OBSL1: variants seen among roughly 807,000 people sequenced by gnomAD.
OBSL1 encodes the protein obscurin like cytoskeletal adaptor 1.
OBSL1 carries 160 observed loss-of-function variants against 172.0 expected under a neutral mutation model. That is an observed-to-expected ratio of 0.93 (90% CI 0.82 to 1.06). The LOEUF is 1.06. Ranked by LOEUF, OBSL1 falls within the 50% of genes least tolerant of loss-of-function variation. The pLI is 0.00. For missense variants in OBSL1, 2,681 were observed against 2,715.4 expected, an observed-to-expected ratio of 0.99 and a Z score of 0.28; for synonymous variants, 1,200 against 1,196.3, an observed-to-expected ratio of 1.00 and a Z score of -0.06.
downstream of OBSL1, chr2:219,549,776 C>T (rs1472143961): frequency 1.9e-6 from 3 of 1,614,020 alleles, no homozygotes; most frequent in African/African-American, 1.3e-5. Flanking sequence ...CCTTCATGGC[C>T]TCACCCACAG....
rs752641180 is a variant in OBSL1, at chr2:219,568,374, A to T, written c.1013-50T>A. 21 of 1,531,020 alleles carry T rather than the reference A, an allele frequency of 1.4e-5. No individual in the cohort carries two copies. In the South Asian group the frequency reaches 2.2e-4, roughly 16 times the overall value. The allele number at this position is 1,531,020 out of a possible 1,614,324, so 94.8% of individuals were successfully genotyped here. Reference sequence around the variant, plus strand: ...AGAGAGGGCTCTGGAGAAGGCCCAGACTAGGAGTAGGATACCTAGAAGCGC... The same window carrying T: ...AGAGAGGGCTCTGGAGAAGGCCCAGTCTAGGAGTAGGATACCTAGAAGCGC... On this transcript the variant is annotated intron_variant, in intron 1 of 20. Transcript: ENST00000404537. This position sits in a 1 kb window ranked among gnomAD's most constrained non-coding sequence, Gnocchi z 4.1.
At chr2:219,549,294 C>T (rs6436156), downstream of OBSL1, 1,587,914 of 1,613,818 alleles carry the variant, frequency 0.98, 782,618 homozygotes, top group East Asian at 1. Flanking sequence ...GGCCACCAGA[C>T]CCTGCTTATC....
chr2:219,553,426 GTTGTCC>G (rs903317350), intron 16 of OBSL1, 142 bp downstream of exon 16: 1 of 695,582 alleles, frequency 1.4e-6, no homozygotes, highest in Non-Finnish European at 2.6e-6. Flanking sequence ...ACCTCCTAGA[GTTGTCC>G]TTGGAGTAAG....
Position 219,565,321 on chromosome 2 carries a change from A to C in OBSL1, c.2328T>G (p.Pro776=). 6.2e-7 allele frequency: 1 copy of C among 1,614,048 alleles called. No individual in the cohort carries two copies. The highest frequency in any genetic ancestry group is 8.5e-7 in the Non-Finnish European group (1 of 1,179,894). Residue 776 remains proline, a synonymous_variant, in exon 6 of 21, where the codon CCT becomes CCG. Transcript: ENST00000404537. Reference sequence around the variant, plus strand: ...CGCCACTGTCCTGGACTTTGGCCTCAGGCAGGATCAGACGGTGTTTGCGCC... The same window carrying C: ...CGCCACTGTCCTGGACTTTGGCCTCCGGCAGGATCAGACGGTGTTTGCGCC... ...MDGRKHRLIL[P]EAKVQDSGEF...
rs112183667 is a variant in OBSL1 at position 219,564,726 on chromosome 2, C to T, written c.2407+516G>A. ...GGCTGAGGAAGGAGGATCGTTTGAGCACAGGAGTTCAAGGCCAGCCTGGGC... is the reference window on the plus strand; with the variant it reads ...GGCTGAGGAAGGAGGATCGTTTGAGTACAGGAGTTCAAGGCCAGCCTGGGC... On this transcript the variant is annotated intron_variant, in intron 6 of 20. Transcript: ENST00000404537. 8.8e-3 allele frequency among the ~76,000 whole-genome samples: 1,333 copies of T among 152,232 alleles called. 21 individuals are homozygous for T. The highest frequency in any genetic ancestry group is 0.03 in the African/African-American group (1,261 of 41,526).
At chr2:219,557,712 T>G (rs542624905) in intron 11 of OBSL1, 94 bp from the exon 12 acceptor site, 1 of 1,525,340 alleles carries the variant, frequency 6.6e-7, no homozygotes, top group Admixed American at 2.1e-5. Flanking sequence ...CTGAGAGAAG[T>G]GGGGCCAGGG....
In OBSL1 at chr2:219,557,537, ACCACCAG is replaced by A; in HGVS notation, c.3865_3871del (p.Leu1289CysfsTer70). ...AGGGCCCCCTGGCCCGGAGAGGTGCACCACCAGCTCTAGGTCCCCGCCTGGGGTGCTC... is the reference window on the plus strand; with the variant it reads ...AGGGCCCCCTGGCCCGGAGAGGTGCACTCTAGGTCCCCGCCTGGGGTGCTC... On this transcript the variant is annotated frameshift_variant, in exon 12 of 21. Coordinates refer to ENST00000404537, the MANE Select transcript of OBSL1 (RefSeq NM_015311.3). LOFTEE classifies it high-confidence loss of function. 1 of 1,552,642 alleles carries A rather than the reference ACCACCAG, an allele frequency of 6.4e-7. No individual in the cohort carries two copies. Among genetic ancestry groups the A allele is most frequent in the Non-Finnish European group, 8.7e-7 (1 of 1,148,600 alleles).
downstream of OBSL1, chr2:219,550,161 C>T (rs933310000): frequency 6.9e-6 from 2 of 291,732 alleles, no homozygotes; most frequent in Non-Finnish European, 1.3e-5. Flanking sequence ...GGAGGGGACG[C>T]TGGGACCCTT....
rs766848633 is a variant in OBSL1 at position 219,568,058 on chromosome 2, T to C, written c.1279A>G (p.Lys427Glu). 6.2e-7 allele frequency: 1 copy of C among 1,609,452 alleles called. No individual in the cohort carries two copies. The highest frequency in any genetic ancestry group is 1.7e-5 in the Admixed American group (1 of 59,978). The change falls in exon 2 of 21, where the codon AAA becomes GAA. Residue 427 changes from lysine (K) to glutamate (E), a missense_variant. Coordinates refer to ENST00000404537, the MANE Select transcript of OBSL1 (RefSeq NM_015311.3). This position sits in a 1 kb window ranked among gnomAD's most constrained non-coding sequence, Gnocchi z 4.1. ...RVRTVANVTV[K>E]GPILKRLPRK... The stretch of plus-strand genomic sequence containing the variant: ...TCTTCCCCACGGGCCAGCTGACCTT[T>C]GACTGTGACGTTGGCCACGGTGCGC...
intron 19 of OBSL1, 130 bp from the exon 20 acceptor site, chr2:219,551,928 A>G: frequency 3.5e-6 from 3 of 854,042 alleles, no homozygotes; most frequent in Non-Finnish European, 1.9e-6. Flanking sequence ...GTTCCCTTGC[A>G]CCTCAGACCC....
In OBSL1 at chr2:219,552,893, G is replaced by C; in HGVS notation, c.5121C>G (p.Ala1707=). The change falls in exon 17 of 21, where the codon GCC becomes GCG. Residue 1707 remains alanine, a synonymous_variant. Transcript: ENST00000404537. ...TYSCAVGTAR[A]GPVRLTVRER... ...CGCGCACGGTCAGGCGGACCGGTCC[G>C]GCGCGGGCCGTCCCCACCGCGCAGC... is the stretch of plus-strand genomic sequence containing the variant. The C allele has an allele frequency of 6.5e-7, 1 of 1,541,176 alleles. No homozygotes were observed. The highest frequency in any genetic ancestry group is 8.7e-7 in the Non-Finnish European group (1 of 1,145,318).
chr2:219,571,035 C>T lies in OBSL1; in HGVS notation c.198G>A (p.Glu66=). ...GTGCGGCGGTCAGCAGCAGGCCGTGCTCCGCGCCGTCCGCCGGGAAGCTCA... is the reference window on the plus strand; with the variant it reads ...GTGCGGCGGTCAGCAGCAGGCCGTGTTCCGCGCCGTCCGCCGGGAAGCTCA... The part of the protein sequence containing the change: ...ERLSFPADGA[E]HGLLLTAALP... Residue 66 remains glutamate, a synonymous_variant, in exon 1 of 21, where the codon GAG becomes GAA. Transcript: ENST00000404537. The T allele has an allele frequency of 2.7e-6, 4 of 1,457,034 alleles. No homozygotes were observed. Among genetic ancestry groups the T allele is most frequent in the East Asian group, 3.0e-5 (1 of 33,234 alleles). The allele number at this position is 1,457,034 out of a possible 1,614,324, so 90.3% of individuals were successfully genotyped here. A position where few individuals can be genotyped will look rare whatever the true frequency, so the allele number is the denominator to read the frequency against.
downstream of OBSL1, chr2:219,549,481 C>T: frequency 7.6e-7 from 1 of 1,312,358 alleles, no homozygotes. Context: ...ACTGTTTGTC[C>T]ATGCATCGGA....
chr2:219,556,549 C>A lies in OBSL1; in HGVS notation c.4241G>T (p.Arg1414Leu). ...QVEMAQNGSS[R>L]ILTLRGCQLG... is the part of the protein sequence containing the mutation. ...TTGGCAGCCTCGCAAGGTTAAGATG[C>A]GGCTTGAACCATTCTGGGCCATCTC... The change falls in exon 13 of 21, where the codon CGC (arginine) becomes CTC (leucine). Residue 1414 changes from arginine to leucine, a missense_variant. Around this residue, in one of 5 missense-constraint regions of OBSL1, gnomAD observed 1,765 missense variants for 1,748.3 expected, o/e 1.01. Transcript: ENST00000404537. The A allele has an allele frequency of 6.2e-7, 1 of 1,613,970 alleles. No homozygotes were observed. The highest frequency in any genetic ancestry group is 8.5e-7 in the Non-Finnish European group (1 of 1,179,898).
intron 20 of OBSL1, 158 bp downstream of exon 20, chr2:219,551,371 G>A (rs942364820): frequency 3.6e-6 from 5 of 1,383,276 alleles, no homozygotes; most frequent in Non-Finnish European, 4.7e-6. Context: ...TTCCAGCCCT[G>A]GGTGTGCTCT....
At chr2:219,553,118 C>A (rs975457254) in intron 16 of OBSL1, 94 bp from the exon 17 acceptor site, 221 of 1,388,866 alleles carry the variant, frequency 1.6e-4, no homozygotes, top group Non-Finnish European at 1.9e-4. Context: ...TGATGCCAAG[C>A]GGTCTCGAGG....
intron 16 of OBSL1, 30 bp from the exon 17 acceptor site, chr2:219,553,054 C>A: frequency 1.4e-6 from 2 of 1,456,106 alleles, no homozygotes; most frequent in Non-Finnish European, 1.8e-6. Context: ...AGGGTCGGGG[C>A]GAGCCCGGCT....
rs144534624 is a variant in OBSL1 at position 219,564,900 on chromosome 2, T to C, written c.2407+342A>G. Among the ~76,000 whole-genome samples, 14 of 152,316 alleles carry C rather than the reference T, an allele frequency of 9.2e-5. No individual in the cohort carries two copies. The East Asian group carries it at 2.1e-3, about 23-fold the overall frequency. ...CTAACCAACATAGTGAAACCGTCTC[T>C]ACCAAATAATAAAAAAATTAGCTGG... is the stretch of plus-strand genomic sequence containing the variant. On this transcript the variant is annotated intron_variant, in intron 6 of 20. Transcript: ENST00000404537.
In OBSL1 at chr2:219,567,702, G is replaced by A. The variant is rs1177008214; in HGVS notation, c.1534+16C>T. 1.2e-6 allele frequency: 2 copies of A among 1,602,890 alleles called. No homozygotes were observed. Among genetic ancestry groups the A allele is most frequent in the South Asian group, 1.1e-5 (1 of 90,716 alleles). On this transcript the variant is annotated intron_variant, in intron 3 of 20. Transcript: ENST00000404537. ...CCTGCCCTGCCTCGCCTGTCCAGAG[G>A]CCTTCCTGCCCTCACATTTTACTCT...
Sources: gnomAD v4.1 joint callset for allele counts (sites outside exome capture counted in the v4.1 genomes callset) on GRCh38, gnomAD v4.1.1 for gene constraint, gnomAD v4.1.1 regional missense constraint, Gnocchi (gnomAD v3.1) non-coding constraint, MANE v1.5 for transcripts, NCBI Gene and HGNC (gene_info 2026-07-23, HGNC 2026-07-21) for gene names.